STON2: variants seen among roughly 807,000 people sequenced by gnomAD.
STON2 encodes stonin-2.
A neutral mutation model predicts 65.7 loss-of-function variants in STON2; 29 were observed. The observed-to-expected ratio is 0.44, with a 90% CI of 0.33 to 0.60. STON2 has a LOEUF of 0.60. STON2 is among the 20% of genes least tolerant of loss of function. The pLI, the probability that STON2 is intolerant of heterozygous loss-of-function variation, is 0.03. For missense variants in STON2, 1,054 were observed against 1,118.1 expected (o/e 0.94, Z 0.82); for synonymous variants, 404 against 414.2 (o/e 0.98, Z 0.30).
chr14:81,409,277 C>T (rs112636986), intron 2 of STON2, among the ~76,000 whole-genome samples: 4,494 of 151,842 alleles, frequency 0.03, 94 homozygotes, highest in African/African-American at 0.056. Flanking sequence ...TAGTGGTGTG[C>T]GCCCATAATT....
At chr14:81,293,287 C>T (rs1277454978) in intron 5 of STON2, among the ~76,000 whole-genome samples, 1 of 151,814 alleles carries the variant, frequency 6.6e-6, no homozygotes, top group African/African-American at 2.4e-5. Context: ...CATTCTCCTG[C>T]CTCAGCCTCC....
intron 5 of STON2, among the ~76,000 whole-genome samples, chr14:81,296,344 C>T (rs1895760656): frequency 1.3e-5 from 2 of 152,150 alleles, no homozygotes; most frequent in South Asian, 4.1e-4. Context: ...TTCCTGTTGA[C>T]ATTTAAAGTC....
intron 3 of STON2, among the ~76,000 whole-genome samples, chr14:81,386,545 C>T (rs1422266593): frequency 1.3e-5 from 2 of 152,178 alleles, no homozygotes; most frequent in African/African-American, 4.8e-5. Context: ...GGCCTTAGCC[C>T]AAGCTTTTAG....
chr14:81,359,411 G>C (rs1249073478), intron 4 of STON2, among the ~76,000 whole-genome samples: 1 of 152,130 alleles, frequency 6.6e-6, no homozygotes, highest in Non-Finnish European at 1.5e-5. Flanking sequence ...TTATCGCAAT[G>C]AACACCTACA....
Position 81,263,560 on chromosome 14 carries a change from A to AAAAC in STON2, c.*4853_*4854insGTTT, listed in dbSNP as rs869107865. ...CTCAAAAAAAAAAAAAAAAAAAAAA[A>AAAAC]CAAAAAAGAAAATGCTATTTTTTGG... On this transcript the variant is annotated 3_prime_UTR_variant, in exon 8 of 8. Transcript: ENST00000614646. The AAAAC allele has an allele frequency of 5.3e-6, 1 of 187,064 alleles. No homozygotes were observed. The highest frequency in any genetic ancestry group is 2.4e-5 in the African/African-American group (1 of 40,948). 11.6% of individuals were successfully genotyped at this position (187,064 alleles called of 1,614,324 possible).
chr14:81,410,278 C>CAAAAAAAAAAAAAAAAAAAAAAAAA lies in STON2; in HGVS notation c.-198-11723_-198-11699dup, dbSNP rs1161157573. On this transcript the variant is annotated intron_variant, in intron 2 of 8. Transcript: ENST00000553821. ...GCATGCAGATGAATGTAACTCTAAC[C>CAAAAAAAAAAAAAAAAAAAAAAAAA]AAAAAAAAAAAAAAAAAAAAAAAAA... 6.6e-5 allele frequency among the ~76,000 whole-genome samples: 3 copies of CAAAAAAAAAAAAAAAAAAAAAAAAA among 45,778 alleles called. 1 individual carries two copies. The highest frequency in any genetic ancestry group is 1.3e-4 in the African/African-American group (2 of 15,574). 30.0% of individuals were successfully genotyped at this position (45,778 alleles called of 152,430 possible).
chr14:81,324,209 GA>G (rs910484156), intron 4 of STON2, among the ~76,000 whole-genome samples, 22 bp from the exon 5 acceptor site: 2 of 151,474 alleles, frequency 1.3e-5, no homozygotes, highest in Admixed American at 6.6e-5. Context: ...GGGCCAAGAT[GA>G]AAAAAAAATG....
At chr14:81,356,187 T>C (rs963088156) in intron 4 of STON2, among the ~76,000 whole-genome samples, 11 of 152,240 alleles carry the variant, frequency 7.2e-5, no homozygotes, top group African/African-American at 2.4e-4. Flanking sequence ...GTCCTATCAA[T>C]ACCTAATTTA....
At chr14:81,383,703 C>T (rs2140402625) in intron 3 of STON2, among the ~76,000 whole-genome samples, 1 of 152,294 alleles carries the variant, frequency 6.6e-6, no homozygotes, top group Middle Eastern at 3.4e-3. Flanking sequence ...GGCCTCCTAC[C>T]TGGTCTCCTT....
At chr14:81,273,595 G>C (rs1031506177) in intron 6 of STON2, among the ~76,000 whole-genome samples, 1 of 152,176 alleles carries the variant, frequency 6.6e-6, no homozygotes, top group African/African-American at 2.4e-5. Context: ...AGCTCAGAGA[G>C]GGGAGCTGCC....
chr14:81,393,236 G>T (rs972521732), intron 3 of STON2, among the ~76,000 whole-genome samples: 3 of 152,192 alleles, frequency 2.0e-5, no homozygotes, highest in African/African-American at 7.2e-5. Context: ...GGAAATCTTT[G>T]AGGCTAAAGA....
intron 3 of STON2, among the ~76,000 whole-genome samples, chr14:81,390,549 G>A (rs921657875): frequency 2.0e-5 from 3 of 152,188 alleles, no homozygotes; most frequent in Admixed American, 6.5e-5. Flanking sequence ...CTGGGCAACA[G>A]AGCGAGACTC....
intron 3 of STON2, among the ~76,000 whole-genome samples, chr14:81,381,549 G>A (rs1443303318): frequency 6.6e-6 from 1 of 151,674 alleles, no homozygotes; most frequent in Non-Finnish European, 1.5e-5. Context: ...AAAAAAGGAT[G>A]CTCTCAACCT....
chr14:81,404,681 T>C (rs372152317), upstream of STON2, among the ~76,000 whole-genome samples: 3 of 152,108 alleles, frequency 2.0e-5, no homozygotes, highest in African/African-American at 7.2e-5. Flanking sequence ...TTTTAAAAAA[T>C]GTTTCCGTAG....
At chr14:81,384,874 C>T (rs1899717705) in intron 3 of STON2, among the ~76,000 whole-genome samples, 1 of 152,062 alleles carries the variant, frequency 6.6e-6, no homozygotes, top group South Asian at 2.1e-4. Flanking sequence ...TGTAAATGTG[C>T]CCATCCATGC....
intron 4 of STON2, among the ~76,000 whole-genome samples, chr14:81,350,813 T>C (rs1414429362): frequency 6.6e-6 from 1 of 152,192 alleles, no homozygotes; most frequent in Non-Finnish European, 1.5e-5. Flanking sequence ...GGGTACTCTG[T>C]ACCAGCCACC....
chr14:81,428,616 G>A (rs2139924278), intron 1 of STON2, among the ~76,000 whole-genome samples: 1 of 152,236 alleles, frequency 6.6e-6, no homozygotes, highest in Middle Eastern at 3.4e-3. Context: ...CCAGCTACTG[G>A]GGAAGGAGAG....
At chr14:81,432,094 GCTCT>G (rs1020011965) in intron 1 of STON2, among the ~76,000 whole-genome samples, 23 of 152,210 alleles carry the variant, frequency 1.5e-4, no homozygotes, top group Admixed American at 1.0e-3. Context: ...GCATTTACAT[GCTCT>G]CTGTCACATG....
chr14:81,307,836 C>CA (rs1365758495), intron 5 of STON2, among the ~76,000 whole-genome samples: 1 of 152,124 alleles, frequency 6.6e-6, no homozygotes, highest in Non-Finnish European at 1.5e-5. Flanking sequence ...ATATATAACA[C>CA]AAAAAATATG....
Sources: allele counts gnomAD v4.1 joint callset (sites outside exome capture counted in the v4.1 genomes callset), GRCh38; gene constraint gnomAD v4.1.1; transcripts MANE v1.5; gene names NCBI Gene and HGNC (gene_info 2026-07-23, HGNC 2026-07-21).